The following DBNDD1 variants were observed in gnomAD, a reference collection of about 807,000 sequenced individuals.
DBNDD1 encodes the protein dysbindin domain containing 1.
DBNDD1 carries 14 observed loss-of-function variants against 17.0 expected under a neutral mutation model. That is an observed-to-expected ratio of 0.82 (90% confidence interval 0.54 to 1.29). The LOEUF is 1.29. Among genes scored for constraint, DBNDD1 ranks in the 50% most tolerant of loss-of-function variants. The probability of loss-of-function intolerance (pLI) is 0.00; values close to 1 mark genes in which losing one functional copy is unlikely to be tolerated. For missense variants in DBNDD1, 221 were observed against 216.2 expected (o/e 1.02, Z -0.14); for synonymous variants, 105 against 102.0 (o/e 1.03, Z -0.18).
At chr16:90,009,165 C>A in intron 2 of DBNDD1, 119 bp downstream of exon 2, 1 of 1,444,122 alleles carries the variant, frequency 6.9e-7, no homozygotes. Context: ...GCCTAGCACA[C>A]AGCGCCGGAC....
chr16:90,009,588 G>T, intron 1 of DBNDD1, 158 bp from the exon 2 acceptor site: 1 of 1,140,060 alleles, frequency 8.8e-7, no homozygotes, highest in Non-Finnish European at 1.2e-6. Flanking sequence ...CCTCATGCCT[G>T]GACCCAGACA....
In DBNDD1 at chr16:90,019,227, G is replaced by C. The variant is rs1215019000; in HGVS notation, c.31+84C>G. On this transcript the variant is annotated intron_variant, in intron 1 of 3. Transcript: ENST00000002501. The surrounding 1 kb of genome is among the most constrained non-coding windows in gnomAD (Gnocchi z 6.1). ...GGTCTTCGCGACTCCCGGGAGCGGC[G>C]AAGGGTGAGCCCTGGGGGGAGGGGC... 9 of 700,948 alleles carry C rather than the reference G, an allele frequency of 1.3e-5. No homozygotes were observed. Among genetic ancestry groups the C allele is most frequent in the Non-Finnish European group, 1.8e-5 (9 of 509,814 alleles). 43.4% of individuals were successfully genotyped at this position (700,948 alleles called of 1,614,324 possible). A position where few individuals can be genotyped will look rare whatever the true frequency, so the allele number is the denominator to read the frequency against.
intron 1 of DBNDD1, among the ~76,000 whole-genome samples, chr16:90,013,161 G>C (rs62054580): frequency 0.052 from 7,783 of 150,508 alleles, 291 homozygotes; most frequent in East Asian, 0.16. Context: ...GCAGCTACTC[G>C]GGAAGCTGAG....
At chr16:90,016,278 G>C (rs1020241148) in intron 1 of DBNDD1, among the ~76,000 whole-genome samples, 10 of 152,230 alleles carry the variant, frequency 6.6e-5, no homozygotes, top group Admixed American at 4.6e-4. Context: ...CCCACGGTTA[G>C]TGAGGGACTG....
chr16:90,015,130 G>A lies in DBNDD1; in HGVS notation c.31+4181C>T, dbSNP rs984710625. 5.3e-5 allele frequency among the ~76,000 whole-genome samples: 8 copies of A among 152,298 alleles called. No homozygotes were observed. The South Asian group carries it at 8.3e-4, about 16-fold the overall frequency. ...AGCATTTGAAGCCACCAGGTGTCTA[G>A]TCTGGTCCTTCCCCATCTCCCTTTG... On this transcript the variant is annotated intron_variant, in intron 1 of 3. Coordinates refer to ENST00000002501, the MANE Select transcript of DBNDD1 (RefSeq NM_001042610.3).
rs1312402295 is a variant in DBNDD1 at position 90,006,107 on chromosome 16, C to G, written c.*228G>C. The G allele has an allele frequency of 3.3e-6, 2 of 614,746 alleles. No homozygotes were observed. Among genetic ancestry groups the G allele is most frequent in the Non-Finnish European group, 5.4e-6 (2 of 373,190 alleles). 38.1% of individuals were successfully genotyped at this position (614,746 alleles called of 1,614,324 possible). ...GGCTCCCAGAGGCATCCGGGGGCCC[C>G]GTGTGTCCCCCAGGAAAGCCGGCTG... On this transcript the variant is annotated 3_prime_UTR_variant, in exon 4 of 4. Coordinates refer to ENST00000002501, the MANE Select transcript of DBNDD1 (RefSeq NM_001042610.3).
chr16:90,008,715 C>T, intron 3 of DBNDD1, 69 bp downstream of exon 3: 1 of 1,501,972 alleles, frequency 6.7e-7, no homozygotes, highest in East Asian at 2.3e-5. Flanking sequence ...ACACACACCT[C>T]CCAGGACTTC....
chr16:90,007,343 G>C (rs2035445931), intron 3 of DBNDD1: 2 of 152,584 alleles, frequency 1.3e-5, no homozygotes, highest in African/African-American at 4.8e-5. Flanking sequence ...TGGGGGGTTG[G>C]GAAGCAGAGG....
intron 1 of DBNDD1, chr16:90,011,826 A>G (rs956196566): frequency 8.7e-6 from 3 of 345,890 alleles, no homozygotes; most frequent in Non-Finnish European, 1.8e-5. Context: ...ACTCTGTTCT[A>G]AGGCTGTGAG....
chr16:90,005,983 C>A lies in DBNDD1; in HGVS notation c.*352G>T. 1 of 227,142 alleles carries A rather than the reference C, an allele frequency of 4.4e-6. No homozygotes were observed. Among genetic ancestry groups the A allele is most frequent in the Non-Finnish European group, 9.1e-6 (1 of 109,440 alleles). The allele number at this position is 227,142 out of a possible 1,614,324, so 14.1% of individuals were successfully genotyped here. A position where few individuals can be genotyped will look rare whatever the true frequency, so the allele number is the denominator to read the frequency against. The stretch of plus-strand genomic sequence containing the variant: ...CAAGGCCGCCGTGGGCCACTCCATT[C>A]CTCAGCACGTTCCTGGCAGTGACTC... On this transcript the variant is annotated 3_prime_UTR_variant, in exon 4 of 4. Coordinates refer to ENST00000002501, the MANE Select transcript of DBNDD1 (RefSeq NM_001042610.3).
At chr16:90,013,357 C>G (rs1187250002) in intron 1 of DBNDD1, among the ~76,000 whole-genome samples, 1 of 150,074 alleles carries the variant, frequency 6.7e-6, no homozygotes, top group Non-Finnish European at 1.5e-5. Context: ...TCACCTCACC[C>G]TAACTCCCAG....
chr16:90,005,854 A>G lies in DBNDD1; in HGVS notation c.*481T>C, dbSNP rs1031668756. The G allele has an allele frequency of 3.8e-5, 6 of 159,880 alleles. No individual in the cohort carries two copies. The highest frequency in any genetic ancestry group is 5.5e-5 in the Non-Finnish European group (4 of 72,114). The allele number at this position is 159,880 out of a possible 1,614,324, so 9.9% of individuals were successfully genotyped here. ...ACATTGTCCCATTAGCCACTACCAA[A>G]CCCGCCTCTGGCTTCTGAGCTTGGC... is the stretch of plus-strand genomic sequence containing the variant. On this transcript the variant is annotated 3_prime_UTR_variant, in exon 4 of 4. Coordinates refer to ENST00000002501, the MANE Select transcript of DBNDD1 (RefSeq NM_001042610.3).
At chr16:90,019,690 C>T, upstream of DBNDD1, 1 of 563,732 alleles carries the variant, frequency 1.8e-6, no homozygotes. This position sits in a 1 kb window ranked among gnomAD's most constrained non-coding sequence, Gnocchi z 6.1. Flanking sequence ...TGCGCCCTCC[C>T]GACCCCGGCC....
chr16:90,008,917 C>A lies in DBNDD1; in HGVS notation c.186G>T (p.Leu62=). Residue 62 remains leucine (L), a synonymous_variant, in exon 3 of 4, where the codon CTG becomes CTT. Transcript: ENST00000002501. ...GGACCTCCAGAGAGGAGACGCTGCT[C>A]AGAGGCTCTGAGGGCAGAGGGGGTA... ...LLQVTERRQP[L]SSVSSLEVHF... The A allele has an allele frequency of 6.4e-7, 1 of 1,563,794 alleles. No homozygotes were observed. Among genetic ancestry groups the A allele is most frequent in the Non-Finnish European group, 8.7e-7 (1 of 1,149,232 alleles).
rs548662251 is a variant in DBNDD1 at position 90,013,624 on chromosome 16, A to G, written c.32-4194T>C. Among the ~76,000 whole-genome samples, 5 of 152,216 alleles carry G rather than the reference A, an allele frequency of 3.3e-5. No homozygotes were observed. The East Asian group carries it at 9.6e-4, about 29-fold the overall frequency. ...TGGGTCCTGACCTGGGGGGACGTGG[A>G]TCTCTGAAGGAAGGTGGGACAGAGG... is the stretch of plus-strand genomic sequence containing the variant. On this transcript the variant is annotated intron_variant, in intron 1 of 3. Coordinates refer to ENST00000002501, the MANE Select transcript of DBNDD1 (RefSeq NM_001042610.3).
chr16:90,010,378 T>A (rs960992699), intron 1 of DBNDD1, among the ~76,000 whole-genome samples: 7 of 144,818 alleles, frequency 4.8e-5, no homozygotes, highest in Non-Finnish European at 9.1e-5. Flanking sequence ...TTTTTTTTTT[T>A]TTTTTTTTGA....
At chr16:90,006,582 C>T (rs2151258865) in intron 3 of DBNDD1, 90 bp from the exon 4 acceptor site, 1 of 1,479,012 alleles carries the variant, frequency 6.8e-7, no homozygotes, top group Admixed American at 2.0e-5. Context: ...TCCTGCGCCA[C>T]TCCTGCCAAT....
At chr16:90,012,265 C>T (rs1033451585) in intron 1 of DBNDD1, among the ~76,000 whole-genome samples, 5 of 152,150 alleles carry the variant, frequency 3.3e-5, no homozygotes, top group African/African-American at 7.2e-5. Context: ...TGTACGTCAC[C>T]GGCCAGGAGG....
chr16:90,015,077 G>A (rs980923337), intron 1 of DBNDD1, among the ~76,000 whole-genome samples: 9 of 151,768 alleles, frequency 5.9e-5, no homozygotes, highest in African/African-American at 2.2e-4. Context: ...AGCTGATGGT[G>A]TCAGCGTTGA....
Sources: gnomAD v4.1 joint callset for allele counts (sites outside exome capture counted in the v4.1 genomes callset) on GRCh38, gnomAD v4.1.1 for gene constraint, Gnocchi (gnomAD v3.1) non-coding constraint, MANE v1.5 for transcripts, NCBI Gene and HGNC (gene_info 2026-07-23, HGNC 2026-07-21) for gene names.